Variants in PDHX observed in about 807,000 individuals in gnomAD.
PDHX encodes the protein pyruvate dehydrogenase complex component X, also known as pyruvate dehydrogenase protein X component, mitochondrial.
PDHX carries 33 observed loss-of-function variants against 55.3 expected under a neutral mutation model. The ratio of observed to expected loss-of-function variants is 0.60; its 90% CI spans 0.45 to 0.80. PDHX has a LOEUF of 0.80. Ranked by LOEUF, PDHX falls within the 30% of genes least tolerant of loss-of-function variation. The pLI is 0.00. For synonymous variants in PDHX, 226 were observed against 219.4 expected (o/e 1.03, Z -0.27); for missense variants, 622 against 619.9 (o/e 1.00, Z -0.04).
chr11:34,975,673 G>C (rs1432075893), intron 7 of PDHX, among the ~76,000 whole-genome samples: 1 of 152,052 alleles, frequency 6.6e-6, no homozygotes, highest in Non-Finnish European at 1.5e-5. Flanking sequence ...CTGACAGTGG[G>C]TATTTACTTC....
intron 4 of PDHX, among the ~76,000 whole-genome samples, chr11:34,958,340 G>T (rs1590751493): frequency 6.6e-6 from 1 of 151,944 alleles, no homozygotes; most frequent in South Asian, 2.1e-4. Flanking sequence ...TGATCTCATT[G>T]TCCAGGCTGG....
intron 9 of PDHX, among the ~76,000 whole-genome samples, chr11:34,990,196 T>A (rs2767046): frequency 0.67 from 101,225 of 152,018 alleles, 33,883 homozygotes; most frequent in East Asian, 0.75. Flanking sequence ...GGCAGAGGCA[T>A]AGTTTACCTT....
At chr11:34,988,322 T>A (rs1300982695) in intron 9 of PDHX, among the ~76,000 whole-genome samples, 2 of 152,074 alleles carry the variant, frequency 1.3e-5, no homozygotes. Context: ...CCCTATCAAG[T>A]ACAAGATAAT....
At chr11:34,934,723 C>T (rs1201634662) in intron 2 of PDHX, among the ~76,000 whole-genome samples, 1 of 151,512 alleles carries the variant, frequency 6.6e-6, no homozygotes, top group African/African-American at 2.4e-5. Context: ...GGACCACAGG[C>T]ATGCGCCACC....
intron 2 of PDHX, among the ~76,000 whole-genome samples, chr11:34,935,093 A>G (rs565062023): frequency 3.3e-3 from 504 of 152,234 alleles, no homozygotes; most frequent in African/African-American, 0.011. Context: ...TGGCAGTTGT[A>G]TAAGTGAGGT....
At chr11:34,919,921 A>G (rs1438685196) in intron 1 of PDHX, among the ~76,000 whole-genome samples, 1 of 152,208 alleles carries the variant, frequency 6.6e-6, no homozygotes, top group African/African-American at 2.4e-5. Flanking sequence ...CCAAAATTCT[A>G]TATAGGGCTG....
intron 9 of PDHX, among the ~76,000 whole-genome samples, chr11:34,986,889 C>T (rs950932343): frequency 6.6e-6 from 1 of 152,180 alleles, no homozygotes; most frequent in African/African-American, 2.4e-5. Context: ...CTTCTCTTTC[C>T]CACCCTGCTC....
intron 9 of PDHX, among the ~76,000 whole-genome samples, chr11:34,985,646 T>C (rs2133999231): frequency 6.6e-6 from 1 of 152,306 alleles, no homozygotes; most frequent in Admixed American, 6.5e-5. Flanking sequence ...ATCACAAGTC[T>C]TAAAGTGATT....
intron 2 of PDHX, among the ~76,000 whole-genome samples, chr11:34,944,361 C>A (rs1854572498): frequency 6.6e-6 from 1 of 151,998 alleles, no homozygotes. Flanking sequence ...CTCAGGTGAT[C>A]CACCCACCTC....
intron 5 of PDHX, among the ~76,000 whole-genome samples, chr11:34,963,582 C>T (rs1855065817): frequency 6.6e-6 from 1 of 152,172 alleles, no homozygotes; most frequent in Non-Finnish European, 1.5e-5. Context: ...GCCCAGCCAA[C>T]ACACGTTCTT....
chr11:34,942,892 T>G (rs1319736058), intron 2 of PDHX, among the ~76,000 whole-genome samples: 2 of 152,096 alleles, frequency 1.3e-5, no homozygotes, highest in African/African-American at 4.8e-5. Context: ...AGCTAACATA[T>G]ATGTCTGTGT....
intron 9 of PDHX, among the ~76,000 whole-genome samples, chr11:34,991,085 A>G (rs768729547): frequency 6.6e-6 from 1 of 152,022 alleles, no homozygotes; most frequent in Non-Finnish European, 1.5e-5. Context: ...ATTAACAGAA[A>G]TGTGGTTAAT....
intron 1 of PDHX, 140 bp downstream of exon 1, chr11:34,916,955 T>C (rs548504612): frequency 6.7e-5 from 60 of 891,194 alleles, no homozygotes; most frequent in Non-Finnish European, 1.0e-4. Flanking sequence ...CCGGTTGGGG[T>C]CCGCCGACTT....
chr11:34,916,313 C>T, upstream of PDHX: 1 of 1,609,760 alleles, frequency 6.2e-7, no homozygotes. Context: ...GCGCGGCCTC[C>T]AATCTCCGCA....
At chr11:34,971,660 A>G (rs1590760326) in intron 7 of PDHX, among the ~76,000 whole-genome samples, 1 of 152,248 alleles carries the variant, frequency 6.6e-6, no homozygotes, top group East Asian at 1.9e-4. Context: ...CTTCTCATAT[A>G]TTGTTTGATT....
intron 3 of PDHX, among the ~76,000 whole-genome samples, chr11:34,951,412 A>G (rs1280714373): frequency 2.6e-5 from 4 of 151,910 alleles, no homozygotes; most frequent in African/African-American, 9.7e-5. Context: ...ATGGTATCTC[A>G]TTGTGGTTTT....
At chr11:34,930,718 G>A (rs1473243547) in intron 1 of PDHX, among the ~76,000 whole-genome samples, 2 of 152,222 alleles carry the variant, frequency 1.3e-5, no homozygotes, top group Non-Finnish European at 2.9e-5. Flanking sequence ...TAAGGAAAAT[G>A]TAGTTATGTT....
intron 2 of PDHX, among the ~76,000 whole-genome samples, chr11:34,944,004 T>C (rs1854560628): frequency 6.6e-6 from 1 of 151,502 alleles, no homozygotes; most frequent in Non-Finnish European, 1.5e-5. Context: ...CTGTTATTAC[T>C]GTCCACTGCT....
At chr11:34,959,318 T>G (rs557888827) in intron 4 of PDHX, among the ~76,000 whole-genome samples, 1 of 152,084 alleles carries the variant, frequency 6.6e-6, no homozygotes, top group Non-Finnish European at 1.5e-5. Flanking sequence ...ATGAAAAATA[T>G]GTTCACCGTC....
Sources: allele counts gnomAD v4.1 joint callset (sites outside exome capture counted in the v4.1 genomes callset), GRCh38; gene constraint gnomAD v4.1.1; transcripts MANE v1.5; gene names NCBI Gene and HGNC (gene_info 2026-07-23, HGNC 2026-07-21).